The following UBE4B variants were observed in gnomAD, a reference collection of about 807,000 sequenced individuals.
The protein encoded by UBE4B is ubiquitination factor E4B.
In UBE4B, 27 loss-of-function variants were observed where a neutral mutation model predicts 148.1. The ratio of observed to expected loss-of-function variants is 0.18; its 90% CI spans 0.13 to 0.25. The LOEUF (loss-of-function observed/expected upper bound fraction) is 0.25, where lower values mean the gene tolerates loss of function less well. UBE4B is among the 10% of genes least tolerant of loss of function. The pLI is 1.00. For synonymous variants in UBE4B, 596 were observed against 619.3 expected (o/e 0.96, Z 0.56); for missense variants, 1,170 against 1,662.4 (o/e 0.70, Z 5.15).
chr1:10,175,629 C>A (rs6541079), intron 25 of UBE4B, among the ~76,000 whole-genome samples: 4 of 151,244 alleles, frequency 2.6e-5, no homozygotes, highest in South Asian at 4.2e-4. Context: ...CCAGCCTGGG[C>A]GACAGAGCGA....
chr1:10,036,199 A>G (rs1643525771), intron 1 of UBE4B, among the ~76,000 whole-genome samples: 1 of 151,806 alleles, frequency 6.6e-6, no homozygotes, highest in East Asian at 1.9e-4. Flanking sequence ...ACCAGTGAAG[A>G]TATTGTATAA....
intron 24 of UBE4B, among the ~76,000 whole-genome samples, chr1:10,170,212 C>T (rs1396099659): frequency 2.0e-5 from 3 of 152,128 alleles, no homozygotes; most frequent in Non-Finnish European, 4.4e-5. Flanking sequence ...TGCATTTTCA[C>T]CTTCTTTACT....
intron 9 of UBE4B, among the ~76,000 whole-genome samples, chr1:10,121,586 G>A (rs1018812397): frequency 2.6e-5 from 4 of 151,932 alleles, no homozygotes; most frequent in African/African-American, 9.7e-5. Flanking sequence ...TAGAGACAGA[G>A]TCTTGCTGTG....
intron 1 of UBE4B, among the ~76,000 whole-genome samples, chr1:10,050,579 G>C (rs1375462979): frequency 6.6e-6 from 1 of 152,182 alleles, no homozygotes; most frequent in Non-Finnish European, 1.5e-5. Context: ...CTCCTACTGG[G>C]ATATGAACTC....
intron 18 of UBE4B, among the ~76,000 whole-genome samples, chr1:10,145,828 A>G (rs1645861922): frequency 6.6e-6 from 1 of 152,158 alleles, no homozygotes; most frequent in South Asian, 2.1e-4. Context: ...AAACCTAACT[A>G]TAGATGGGAA....
At chr1:10,063,629 G>A (rs1321299210) in intron 1 of UBE4B, among the ~76,000 whole-genome samples, 2 of 152,174 alleles carry the variant, frequency 1.3e-5, no homozygotes, top group Non-Finnish European at 2.9e-5. Context: ...TCTGGGCCGG[G>A]TGAGGTGGCT....
intron 2 of UBE4B, 93 bp downstream of exon 2, chr1:10,072,307 T>G: frequency 7.0e-7 from 1 of 1,419,034 alleles, no homozygotes; most frequent in South Asian, 1.3e-5. Context: ...CAGATTAAAA[T>G]GAAGCAGACA....
intron 2 of UBE4B, among the ~76,000 whole-genome samples, chr1:10,091,393 A>G (rs1266135392): frequency 1.3e-5 from 2 of 152,002 alleles, no homozygotes; most frequent in Non-Finnish European, 2.9e-5. Flanking sequence ...TTTAATTCAC[A>G]TTGATTTCTA....
At position 10,171,153 on chromosome 1, in the gene UBE4B, T is replaced by C. The variant is rs748647031; in HGVS notation, c.3349T>C (p.Leu1117=). 3.1e-6 allele frequency: 5 copies of C among 1,614,052 alleles called. No homozygotes were observed. Among genetic ancestry groups the C allele is most frequent in the Non-Finnish European group, 3.4e-6 (4 of 1,179,956 alleles). Residue 1117 remains leucine (L), a synonymous_variant, in exon 25 of 28, where the codon TTG becomes CTG. Transcript: ENST00000343090. ...PFLRPELGPR[L]AAMLNFNLQQ... ...GATTTCCTAGGAGCTTGGACCCCGA[T>C]TGGCTGCAATGCTGAACTTTAATCT...
Position 10,106,481 on chromosome 1 carries a change from C to T in UBE4B, c.1094C>T (p.Ala365Val), listed in dbSNP as rs770159407. The T allele has an allele frequency of 1.2e-6, 2 of 1,613,792 alleles. No homozygotes were observed. The highest frequency in any genetic ancestry group is 1.7e-5 in the Admixed American group (1 of 60,012). Residue 365 changes from alanine to valine, a missense_variant, in exon 7 of 28, where the codon GCC becomes GTC. Around this residue, in one of 6 missense-constraint regions of UBE4B, gnomAD observed 214 missense variants for 209.1 expected, o/e 1.02. Transcript: ENST00000343090. The surrounding 1 kb of genome is among the most constrained non-coding windows in gnomAD (Gnocchi z 4.2). ...GCCAGTAGCCCCCAAGCAGTGCCCG[C>T]CAGCAGTTCCAGACAGAGGCCCAGC... ...ALASSPQAVP[A>V]SSSRQRPSST...
At chr1:10,062,890 A>G in intron 1 of UBE4B, among the ~76,000 whole-genome samples, 1 of 150,184 alleles carries the variant, frequency 6.7e-6, no homozygotes, top group South Asian at 2.1e-4. Flanking sequence ...TGGGAGGCGG[A>G]GGTTGCAGTG....
At chr1:10,076,087 G>T (rs767983901) in intron 2 of UBE4B, among the ~76,000 whole-genome samples, 1 of 152,064 alleles carries the variant, frequency 6.6e-6, no homozygotes, top group East Asian at 1.9e-4. Context: ...ATAGCTGTCC[G>T]TTAAAGAGTT....
Position 10,106,853 on chromosome 1 carries a change from T to A in UBE4B, c.1196+270T>A, listed in dbSNP as rs947481299. ...GGGCACACAGGAACCCTTTTTGGCCTTTTGTCCTGTTGCCAGTGGTAGTTG... is the reference window on the plus strand; with the variant it reads ...GGGCACACAGGAACCCTTTTTGGCCATTTGTCCTGTTGCCAGTGGTAGTTG... On this transcript the variant is annotated intron_variant, in intron 7 of 27. Coordinates refer to ENST00000343090, the MANE Select transcript of UBE4B (RefSeq NM_001105562.3). The surrounding 1 kb of genome is among the most constrained non-coding windows in gnomAD (Gnocchi z 4.2). 6.6e-6 allele frequency among the ~76,000 whole-genome samples: 1 copy of A among 152,170 alleles called. No homozygotes were observed. Among genetic ancestry groups the A allele is most frequent in the Non-Finnish European group, 1.5e-5 (1 of 68,026 alleles).
At chr1:10,062,659 A>G (rs1490845636) in intron 1 of UBE4B, among the ~76,000 whole-genome samples, 2 of 152,220 alleles carry the variant, frequency 1.3e-5, no homozygotes, top group Non-Finnish European at 2.9e-5. Context: ...CTAGAACAAG[A>G]AAATAATGAT....
intron 4 of UBE4B, among the ~76,000 whole-genome samples, chr1:10,102,391 C>CTT (rs33997625): frequency 0.017 from 866 of 51,554 alleles, 313 homozygotes; most frequent in Non-Finnish European, 0.025. Context: ...TGACTTTGCT[C>CTT]TTTTTTTTTT....
chr1:10,042,976 A>G (rs2101776186), intron 1 of UBE4B, among the ~76,000 whole-genome samples: 1 of 151,652 alleles, frequency 6.6e-6, no homozygotes, highest in South Asian at 2.1e-4. Flanking sequence ...TGCAAGGGGC[A>G]CAGTGGCAGG....
chr1:10,108,077 T>C (rs1273753886), intron 7 of UBE4B, among the ~76,000 whole-genome samples: 2 of 152,128 alleles, frequency 1.3e-5, no homozygotes, highest in Non-Finnish European at 2.9e-5. Flanking sequence ...CTCTGAGGCA[T>C]GTTTTCTTAA....
At chr1:10,053,289 C>T (rs1226549293) in intron 1 of UBE4B, among the ~76,000 whole-genome samples, 1 of 151,642 alleles carries the variant, frequency 6.6e-6, no homozygotes, top group Non-Finnish European at 1.5e-5. Flanking sequence ...GCTGGGACTA[C>T]AGGCATGCAC....
intron 1 of UBE4B, among the ~76,000 whole-genome samples, chr1:10,070,780 G>A (rs758405754): frequency 6.6e-6 from 1 of 152,062 alleles, no homozygotes; most frequent in Non-Finnish European, 1.5e-5. Flanking sequence ...AGGAAGAAGT[G>A]GCAGATTGTA....
Sources: gnomAD v4.1 joint callset for allele counts (sites outside exome capture counted in the v4.1 genomes callset) on GRCh38, gnomAD v4.1.1 for gene constraint, gnomAD v4.1.1 regional missense constraint, Gnocchi (gnomAD v3.1) non-coding constraint, MANE v1.5 for transcripts, NCBI Gene and HGNC (gene_info 2026-07-23, HGNC 2026-07-21) for gene names.